Variants in SLC25A21 observed in about 807,000 individuals in gnomAD.
The protein encoded by SLC25A21 is solute carrier family 25 member 21, also known as mitochondrial 2-oxodicarboxylate carrier.
A neutral mutation model predicts 43.8 loss-of-function variants in SLC25A21; 47 were observed. The observed-to-expected ratio is 1.07, with a 90% CI of 0.85 to 1.37. The LOEUF (loss-of-function observed/expected upper bound fraction) is 1.37, where lower values mean the gene tolerates loss of function less well. Among genes scored for constraint, SLC25A21 ranks in the 40% most tolerant of loss-of-function variants. The pLI, the probability that SLC25A21 is intolerant of heterozygous loss-of-function variation, is 0.00. For synonymous variants in SLC25A21, 131 were observed against 121.3 expected (o/e 1.08, Z -0.52); for missense variants, 352 against 350.2 (o/e 1.00, Z -0.04).
At chr14:36,738,344 T>C (rs1462202652) in intron 3 of SLC25A21, among the ~76,000 whole-genome samples, 3 of 152,214 alleles carry the variant, frequency 2.0e-5, no homozygotes, top group African/African-American at 7.2e-5. Flanking sequence ...GAACTGATGT[T>C]TATATTCACA....
intron 1 of SLC25A21, among the ~76,000 whole-genome samples, chr14:37,139,016 T>C (rs1594812668): frequency 6.6e-6 from 1 of 152,122 alleles, no homozygotes; most frequent in African/African-American, 2.4e-5. Flanking sequence ...ATCAGCTCTT[T>C]TGTACTACGT....
chr14:36,825,469 T>C (rs1393404983), intron 2 of SLC25A21, among the ~76,000 whole-genome samples: 1 of 152,200 alleles, frequency 6.6e-6, no homozygotes, highest in Admixed American at 6.5e-5. Context: ...GCCCAACTTG[T>C]CCATAGAACT....
chr14:36,985,239 G>C (rs1270606034), intron 1 of SLC25A21, among the ~76,000 whole-genome samples: 1 of 151,382 alleles, frequency 6.6e-6, no homozygotes, highest in Non-Finnish European at 1.5e-5. Flanking sequence ...TGACGAGTTA[G>C]TGGGTGCAGC....
intron 1 of SLC25A21, among the ~76,000 whole-genome samples, chr14:36,937,979 T>C (rs1892465061): frequency 2.0e-5 from 3 of 152,154 alleles, no homozygotes; most frequent in Non-Finnish European, 2.9e-5. Flanking sequence ...ATTTCAGACA[T>C]TTTCTGGAGA....
At chr14:36,720,940 TGA>T (rs1439441180) in intron 6 of SLC25A21, among the ~76,000 whole-genome samples, 2 of 152,210 alleles carry the variant, frequency 1.3e-5, no homozygotes, top group African/African-American at 4.8e-5. Context: ...CAGTGGCATC[TGA>T]TAATGACCTA....
chr14:36,841,691 C>A (rs184689801), intron 2 of SLC25A21, among the ~76,000 whole-genome samples: 4 of 152,308 alleles, frequency 2.6e-5, no homozygotes, highest in Non-Finnish European at 2.9e-5. Context: ...CCTATGCATA[C>A]CTTGCCCAAG....
At chr14:37,010,458 C>T (rs971979966) in intron 1 of SLC25A21, among the ~76,000 whole-genome samples, 1 of 152,136 alleles carries the variant, frequency 6.6e-6, no homozygotes. Context: ...GAAAGAAATG[C>T]AAACAATTAC....
intron 6 of SLC25A21, among the ~76,000 whole-genome samples, chr14:36,716,594 T>A (rs1292601196): frequency 6.6e-6 from 1 of 152,144 alleles, no homozygotes; most frequent in Non-Finnish European, 1.5e-5. Context: ...TTGGTGTAAA[T>A]GAAGCTCCCA....
At chr14:36,735,928 C>T (rs1316395778) in intron 3 of SLC25A21, among the ~76,000 whole-genome samples, 1 of 108,388 alleles carries the variant, frequency 9.2e-6, no homozygotes, top group Non-Finnish European at 1.8e-5. Flanking sequence ...ATTCTGGCCA[C>T]AATTTTTTTT....
intron 1 of SLC25A21, among the ~76,000 whole-genome samples, chr14:37,052,650 T>C (rs556812704): frequency 4.9e-4 from 74 of 151,530 alleles, no homozygotes; most frequent in South Asian, 1.7e-3. Context: ...ACTTTTTTTT[T>C]CCCCCCGAGA....
intron 1 of SLC25A21, among the ~76,000 whole-genome samples, chr14:36,895,593 G>A (rs1044495559): frequency 3.4e-4 from 51 of 152,206 alleles, no homozygotes; most frequent in African/African-American, 1.1e-3. Context: ...TTTTGAATGT[G>A]TTTGCTCTTG....
chr14:36,960,376 T>C (rs1182152068), intron 1 of SLC25A21, among the ~76,000 whole-genome samples: 1 of 152,138 alleles, frequency 6.6e-6, no homozygotes, highest in Non-Finnish European at 1.5e-5. Context: ...GAACTAGGAT[T>C]TCTAAATTTG....
At chr14:36,863,346 C>T (rs1890125758) in intron 2 of SLC25A21, among the ~76,000 whole-genome samples, 1 of 150,916 alleles carries the variant, frequency 6.6e-6, no homozygotes, top group Non-Finnish European at 1.5e-5. Flanking sequence ...TTTAATTAGT[C>T]GAGGAAAAAT....
intron 1 of SLC25A21, among the ~76,000 whole-genome samples, chr14:36,885,235 T>C (rs1287271850): frequency 6.6e-6 from 1 of 152,212 alleles, no homozygotes; most frequent in Non-Finnish European, 1.5e-5. Flanking sequence ...TTTTCCATTG[T>C]ATGTTCCTGG....
At chr14:36,731,959 C>A (rs1297659486) in intron 4 of SLC25A21, among the ~76,000 whole-genome samples, 1 of 152,084 alleles carries the variant, frequency 6.6e-6, no homozygotes, top group East Asian at 1.9e-4. Flanking sequence ...TAAGCTGTGG[C>A]ATCACAGGGC....
chr14:37,046,807 C>A (rs915563917), intron 1 of SLC25A21, among the ~76,000 whole-genome samples: 1 of 152,140 alleles, frequency 6.6e-6, no homozygotes, highest in African/African-American at 2.4e-5. Flanking sequence ...TAGGTCCCAG[C>A]AGAAACAAGA....
Position 37,064,235 on chromosome 14 carries a change from T to C in SLC25A21, c.70+108046A>G, listed in dbSNP as rs1168533554. On this transcript the variant is annotated intron_variant, in intron 1 of 9. Coordinates refer to ENST00000331299, the MANE Select transcript of SLC25A21 (RefSeq NM_030631.4). The stretch of plus-strand genomic sequence containing the variant: ...CCAGGCTCTCCAAGACTTATACCAG[T>C]GGCCCCTTGGGTTCTCAGGCCTTTG... Among the ~76,000 whole-genome samples, 6 of 152,218 alleles carry C rather than the reference T, an allele frequency of 3.9e-5. No individual in the cohort carries two copies. The East Asian group carries it at 1.2e-3, about 30-fold the overall frequency.
intron 1 of SLC25A21, among the ~76,000 whole-genome samples, chr14:36,981,377 A>G (rs1213926594): frequency 3.3e-5 from 5 of 152,242 alleles, no homozygotes; most frequent in African/African-American, 4.8e-5. Flanking sequence ...TACTATAAAG[A>G]CACATGCACA....
intron 2 of SLC25A21, among the ~76,000 whole-genome samples, chr14:36,840,107 G>A (rs1165195804): frequency 1.3e-5 from 2 of 152,126 alleles, no homozygotes; most frequent in Non-Finnish European, 2.9e-5. Flanking sequence ...CTTCCACAGG[G>A]AAACCAGAGC....
Sources: gnomAD v4.1 joint callset for allele counts (sites outside exome capture counted in the v4.1 genomes callset) on GRCh38, gnomAD v4.1.1 for gene constraint, MANE v1.5 for transcripts, NCBI Gene and HGNC (gene_info 2026-07-23, HGNC 2026-07-21) for gene names.